Variants in TMEM184B observed in about 807,000 individuals in gnomAD.
TMEM184B encodes the protein putative MAPK-activating protein FM08.
A neutral mutation model predicts 41.8 loss-of-function variants in TMEM184B; 17 were observed. That is an observed-to-expected ratio of 0.41 (90% CI 0.28 to 0.61). The LOEUF (loss-of-function observed/expected upper bound fraction) is 0.61. Among genes scored for constraint, TMEM184B ranks in the 20% least tolerant of loss-of-function variants. The probability of loss-of-function intolerance (pLI) is 0.34; values close to 1 mark genes in which losing one functional copy is unlikely to be tolerated. For synonymous variants in TMEM184B, 240 were observed against 229.5 expected, an observed-to-expected ratio of 1.05 and a Z score of -0.41; for missense variants, 393 against 557.8, an observed-to-expected ratio of 0.70 and a Z score of 2.98.
At chr22:38,218,638 C>T (rs1214348402), downstream of TMEM184B, among the ~76,000 whole-genome samples, 1 of 152,190 alleles carries the variant, frequency 6.6e-6, no homozygotes, top group African/African-American at 2.4e-5. Context: ...GGCTTTCTCC[C>T]CTTCTCAGGT....
intron 3 of TMEM184B, among the ~76,000 whole-genome samples, chr22:38,245,399 T>C (rs1242870527): frequency 3.1e-5 from 4 of 129,514 alleles, no homozygotes; most frequent in Admixed American, 7.7e-5. Context: ...GACGCCAGCA[T>C]TGAGAAGCGA....
chr22:38,249,051 C>T (rs5995557), intron 1 of TMEM184B, among the ~76,000 whole-genome samples: 1,632 of 152,332 alleles, frequency 0.011, 28 homozygotes, highest in African/African-American at 0.038. Flanking sequence ...AGCCATTCCG[C>T]ATCCTCGAAC....
chr22:38,243,538 A>C (rs2091961134), intron 3 of TMEM184B, among the ~76,000 whole-genome samples: 1 of 152,146 alleles, frequency 6.6e-6, no homozygotes, highest in African/African-American at 2.4e-5. Context: ...TCAGCCCCAC[A>C]CTTCGCCAAT....
intron 3 of TMEM184B, among the ~76,000 whole-genome samples, chr22:38,243,009 C>T (rs965186952): frequency 1.1e-4 from 15 of 139,522 alleles, no homozygotes; most frequent in Admixed American, 3.1e-4. Flanking sequence ...ATGCAGTGAG[C>T]TGAGATTGCC....
At chr22:38,255,584 T>A (rs1602472177) in intron 1 of TMEM184B, among the ~76,000 whole-genome samples, 1 of 152,210 alleles carries the variant, frequency 6.6e-6, no homozygotes, top group East Asian at 1.9e-4. Context: ...TGTACACAAA[T>A]GTTCACGGCA....
Position 38,256,223 on chromosome 22 carries a change from T to TTTTTTTTGGATTTGGA in TMEM184B, c.-58-8205_-58-8204insTCCAAATCCAAAAAAA, listed in dbSNP as rs1344957349. Among the ~76,000 whole-genome samples the TTTTTTTTGGATTTGGA allele has an allele frequency of 7.9e-5, 12 of 151,492 alleles. 1 individual carries two copies. In the South Asian group the frequency reaches 8.4e-4, roughly 11 times the overall value. On this transcript the variant is annotated intron_variant, in intron 1 of 8. Transcript: ENST00000361906. ...AAAATTAGCCCAGGGGACCTTTTTT[T>TTTTTTTTGGATTTGGA]TTTTTTGGATTTGGAGTCTCACTCT...
intron 3 of TMEM184B, among the ~76,000 whole-genome samples, chr22:38,236,279 A>C (rs1434684350): frequency 6.6e-6 from 1 of 151,966 alleles, no homozygotes; most frequent in Non-Finnish European, 1.5e-5. Context: ...ACCACATCTC[A>C]AACTAGAGAC....
chr22:38,228,047 T>C (rs1044526356), intron 5 of TMEM184B, among the ~76,000 whole-genome samples: 14 of 152,142 alleles, frequency 9.2e-5, no homozygotes, highest in Non-Finnish European at 1.8e-4. Flanking sequence ...CCGTGATCCG[T>C]GAAACCTGCA....
intron 1 of TMEM184B, among the ~76,000 whole-genome samples, chr22:38,253,891 G>A (rs1322487722): frequency 6.6e-6 from 1 of 152,168 alleles, no homozygotes; most frequent in African/African-American, 2.4e-5. Context: ...CATTGGGAAT[G>A]TATGAAGAAT....
At chr22:38,243,330 C>T (rs928202452) in intron 3 of TMEM184B, among the ~76,000 whole-genome samples, 2 of 152,194 alleles carry the variant, frequency 1.3e-5, no homozygotes, top group Non-Finnish European at 2.9e-5. Flanking sequence ...GAAGCGGAGG[C>T]TCCCCTGGCT....
chr22:38,269,608 G>C (rs1424083381), intron 1 of TMEM184B, among the ~76,000 whole-genome samples: 1 of 152,130 alleles, frequency 6.6e-6, no homozygotes, highest in Non-Finnish European at 1.5e-5. Flanking sequence ...AAGGTGGAAG[G>C]ATCTCCTGGG....
At chr22:38,243,645 C>A (rs1479203706) in intron 3 of TMEM184B, among the ~76,000 whole-genome samples, 1 of 152,206 alleles carries the variant, frequency 6.6e-6, no homozygotes, top group Non-Finnish European at 1.5e-5. Context: ...AAGCCCTGAG[C>A]AGGTCCCCAT....
In TMEM184B at chr22:38,224,737, G is replaced by A. The variant is rs557974131; in HGVS notation, c.982+48C>T. 3.3e-6 allele frequency: 5 copies of A among 1,520,644 alleles called. No individual in the cohort carries two copies. In the African/African-American group the frequency reaches 4.2e-5, roughly 13 times the overall value. The allele number at this position is 1,520,644 out of a possible 1,614,324, so 94.2% of individuals were successfully genotyped here. On this transcript the variant is annotated intron_variant, in intron 8 of 8. Coordinates refer to ENST00000361906, the MANE Select transcript of TMEM184B (RefSeq NM_012264.5). Reference sequence around the variant, plus strand: ...GGTGGGAGGGTCCTGGGATGTTTGGGGCTCCCTGCTTCTCCCAGCGGGGGT... The same window carrying A: ...GGTGGGAGGGTCCTGGGATGTTTGGAGCTCCCTGCTTCTCCCAGCGGGGGT...
intron 3 of TMEM184B, among the ~76,000 whole-genome samples, chr22:38,233,491 G>GC (rs999104158): frequency 6.6e-6 from 1 of 152,216 alleles, no homozygotes; most frequent in Admixed American, 6.5e-5. Context: ...AGGGCCAGGA[G>GC]CCCCTAGACA....
intron 1 of TMEM184B, among the ~76,000 whole-genome samples, chr22:38,260,383 CT>C (rs1184997480): frequency 2.6e-5 from 4 of 152,138 alleles, no homozygotes; most frequent in African/African-American, 9.7e-5. Flanking sequence ...CACTAAGTTT[CT>C]GGTAATTTGT....
chr22:38,217,641 CAA>C (rs1042214098), downstream of TMEM184B, among the ~76,000 whole-genome samples: 2 of 133,586 alleles, frequency 1.5e-5, no homozygotes. Flanking sequence ...GACTCCGTCT[CAA>C]AAAAAAAAAG....
chr22:38,228,406 A>AAGCAGCAGCAGC (rs57862768), intron 5 of TMEM184B, among the ~76,000 whole-genome samples: 20 of 151,178 alleles, frequency 1.3e-4, no homozygotes, highest in Admixed American at 1.2e-3. Context: ...AGAGAAGCTG[A>AAGCAGCAGCAGC]AGCAGCAGCA....
chr22:38,245,479 G>T (rs35337152), intron 3 of TMEM184B, among the ~76,000 whole-genome samples: 1 of 142,720 alleles, frequency 7.0e-6, no homozygotes, highest in African/African-American at 2.6e-5. Flanking sequence ...GAGACCCAGG[G>T]GGAGGGCCCT....
Position 38,225,693 on chromosome 22 carries a change from A to T in TMEM184B, c.618-100T>A. On this transcript the variant is annotated intron_variant, in intron 6 of 8. Transcript: ENST00000361906. This position sits in a 1 kb window ranked among gnomAD's most constrained non-coding sequence, Gnocchi z 4.4. Reference sequence around the variant, plus strand: ...CAGTCCCCATGGCTCTCAGCCCCACACCTCCAGCAGAGCTCAACGAGCCAC... The same window carrying T: ...CAGTCCCCATGGCTCTCAGCCCCACTCCTCCAGCAGAGCTCAACGAGCCAC... The T allele has an allele frequency of 7.7e-7, 1 of 1,303,272 alleles. No homozygotes were observed. The highest frequency in any genetic ancestry group is 1.0e-6 in the Non-Finnish European group (1 of 987,338). The allele number at this position is 1,303,272 out of a possible 1,614,324, so 80.7% of individuals were successfully genotyped here.
Sources: gnomAD v4.1 joint callset for allele counts (sites outside exome capture counted in the v4.1 genomes callset) on GRCh38, gnomAD v4.1.1 for gene constraint, Gnocchi (gnomAD v3.1) non-coding constraint, MANE v1.5 for transcripts, NCBI Gene and HGNC (gene_info 2026-07-23, HGNC 2026-07-21) for gene names.